GPC5: variants seen among roughly 807,000 people sequenced by gnomAD.
The protein encoded by GPC5 is glypican-5.
Under a neutral mutation model 53.9 loss-of-function variants are expected in GPC5, and 47 were observed. That is an observed-to-expected ratio of 0.87 (90% CI 0.69 to 1.11). The LOEUF is 1.11. Ranked by LOEUF, GPC5 falls within the 50% of genes most tolerant of loss-of-function variation. The pLI, the probability that GPC5 is intolerant of heterozygous loss-of-function variation, is 0.00. For synonymous variants in GPC5, 286 were observed against 263.3 expected, an observed-to-expected ratio of 1.09 and a Z score of -0.84; for missense variants, 748 against 713.1, an observed-to-expected ratio of 1.05 and a Z score of -0.56.
Position 91,641,802 on chromosome 13 carries a change from T to A in GPC5, c.326-51385T>A, listed in dbSNP as rs766469900. Among the ~76,000 whole-genome samples, 3 of 152,174 alleles carry A rather than the reference T, an allele frequency of 2.0e-5. No homozygotes were observed. In the South Asian group the frequency reaches 6.2e-4, roughly 32 times the overall value. ...GAACATTGGATGCTTTTCTAAGGAG[T>A]CATCCTGGAAGCTATAGGGAACACT... is the stretch of plus-strand genomic sequence containing the variant. On this transcript the variant is annotated intron_variant, in intron 2 of 7. Transcript: ENST00000377067.
chr13:92,798,519 T>A (rs959029985), intron 7 of GPC5, among the ~76,000 whole-genome samples: 1 of 151,926 alleles, frequency 6.6e-6, no homozygotes, highest in East Asian at 1.9e-4. Flanking sequence ...TTGCCATGTG[T>A]GATAACCTAC....
rs980506826 is a variant in GPC5 at position 91,511,408 on chromosome 13, C to T, written c.325+62486C>T. ...ATATTTTTGGCTCTCTGGGTTGATA[C>T]ATTTCTTTTGGTTTGGAAAATTCTC... On this transcript the variant is annotated intron_variant, in intron 2 of 7. Coordinates refer to ENST00000377067, the MANE Select transcript of GPC5 (RefSeq NM_004466.6). Among the ~76,000 whole-genome samples the T allele has an allele frequency of 3.9e-5, 6 of 152,110 alleles. No individual in the cohort carries two copies. The South Asian group carries it at 1.2e-3, about 32-fold the overall frequency.
intron 6 of GPC5, among the ~76,000 whole-genome samples, chr13:91,991,121 T>C (rs939462821): frequency 6.6e-6 from 1 of 152,218 alleles, no homozygotes; most frequent in African/African-American, 2.4e-5. Flanking sequence ...CTCAGCCTAA[T>C]GAAGACACAA....
intron 7 of GPC5, among the ~76,000 whole-genome samples, chr13:92,298,510 T>C (rs1211026845): frequency 6.6e-6 from 1 of 152,226 alleles, no homozygotes; most frequent in Non-Finnish European, 1.5e-5. Flanking sequence ...CGCTGCTTCC[T>C]CTACCCCTGT....
In GPC5 at chr13:92,211,761, A is replaced by G. The variant is rs2139075204; in HGVS notation, c.1561+66772A>G. Among the ~76,000 whole-genome samples the G allele has an allele frequency of 2.0e-5, 3 of 149,646 alleles. No individual in the cohort carries two copies. The South Asian group carries it at 6.2e-4, about 31-fold the overall frequency. The stretch of plus-strand genomic sequence containing the variant: ...GATAATAGGAGCTCCTCAATTAGAT[A>G]GGAGCTCCTGAATTAGATAGGCTCA... On this transcript the variant is annotated intron_variant, in intron 7 of 7. Coordinates refer to ENST00000377067, the MANE Select transcript of GPC5 (RefSeq NM_004466.6).
At chr13:92,417,661 C>T (rs76790420) in intron 7 of GPC5, among the ~76,000 whole-genome samples, 3,922 of 152,074 alleles carry the variant, frequency 0.026, 130 homozygotes, top group East Asian at 0.12. Flanking sequence ...TCTCTTGAGC[C>T]GAGGATTTCG....
chr13:91,817,153 C>T (rs1161468643), intron 5 of GPC5, among the ~76,000 whole-genome samples: 1 of 152,122 alleles, frequency 6.6e-6, no homozygotes, highest in African/African-American at 2.4e-5. Flanking sequence ...TTTGTGATTT[C>T]CCCCAAAACA....
chr13:91,685,282 G>C (rs776431577), intron 2 of GPC5, among the ~76,000 whole-genome samples: 25 of 152,164 alleles, frequency 1.6e-4, no homozygotes, highest in Non-Finnish European at 3.4e-4. Context: ...TCTAGTCTGG[G>C]TAACAGAGTG....
chr13:91,765,573 G>A (rs145646761), intron 5 of GPC5, among the ~76,000 whole-genome samples: 27 of 152,290 alleles, frequency 1.8e-4, no homozygotes, highest in African/African-American at 5.8e-4. Context: ...TGAATGGAAC[G>A]CAAAGTTATA....
At chr13:91,510,990 C>CTTG in intron 2 of GPC5, among the ~76,000 whole-genome samples, 1 of 151,854 alleles carries the variant, frequency 6.6e-6, no homozygotes, top group African/African-American at 2.4e-5. Flanking sequence ...ACTGCTTTTA[C>CTTG]ACATGGAAAG....
intron 7 of GPC5, among the ~76,000 whole-genome samples, chr13:92,260,014 C>T (rs967341153): frequency 6.6e-6 from 1 of 152,156 alleles, no homozygotes; most frequent in African/African-American, 2.4e-5. Context: ...TGGCAGCTTC[C>T]CTCTAATCTG....
chr13:92,249,619 G>T (rs2042677617), intron 7 of GPC5, among the ~76,000 whole-genome samples: 1 of 152,020 alleles, frequency 6.6e-6, no homozygotes, highest in Non-Finnish European at 1.5e-5. Context: ...GCACCTGTCT[G>T]AGTCTGACTG....
At chr13:92,055,243 G>T (rs890736811) in intron 6 of GPC5, among the ~76,000 whole-genome samples, 16 of 152,186 alleles carry the variant, frequency 1.1e-4, no homozygotes, top group African/African-American at 3.9e-4. Context: ...CTGTTTGTCA[G>T]ACTCTAGAGA....
intron 7 of GPC5, among the ~76,000 whole-genome samples, chr13:92,154,131 A>C (rs1184613522): frequency 6.6e-6 from 1 of 152,124 alleles, no homozygotes; most frequent in African/African-American, 2.4e-5. Context: ...CCAGTGTATC[A>C]CATGGAGAGA....
intron 7 of GPC5, among the ~76,000 whole-genome samples, chr13:92,386,388 T>C (rs1251905853): frequency 1.3e-5 from 2 of 152,118 alleles, no homozygotes; most frequent in East Asian, 1.9e-4. Flanking sequence ...CTATGACCAA[T>C]GTACTTTGAA....
At chr13:92,747,071 G>A (rs1021471586) in intron 7 of GPC5, among the ~76,000 whole-genome samples, 4 of 152,166 alleles carry the variant, frequency 2.6e-5, no homozygotes, top group African/African-American at 9.6e-5. Flanking sequence ...TAAAGGTACA[G>A]TTATACAATC....
intron 7 of GPC5, among the ~76,000 whole-genome samples, chr13:92,640,711 G>A (rs1326365873): frequency 6.6e-6 from 1 of 152,108 alleles, no homozygotes; most frequent in African/African-American, 2.4e-5. Flanking sequence ...AAACAATGGG[G>A]ACATGCCAAA....
intron 1 of GPC5, among the ~76,000 whole-genome samples, chr13:91,420,820 G>T (rs900713342): frequency 2.0e-5 from 3 of 152,116 alleles, no homozygotes; most frequent in Non-Finnish European, 2.9e-5. Context: ...TGTGTATAAG[G>T]TTCCTGCTTC....
In GPC5 at chr13:91,410,553, A is replaced by G. The variant is rs367667782; in HGVS notation, c.163+11344A>G. ...AGTAGAGACGGGGTTTCACTGTGTT[A>G]GCCAGGATGGTCTCGATCTCCTGAC... is the stretch of plus-strand genomic sequence containing the variant. On this transcript the variant is annotated intron_variant, in intron 1 of 7. Coordinates refer to ENST00000377067, the MANE Select transcript of GPC5 (RefSeq NM_004466.6). Among the ~76,000 whole-genome samples, 354 of 151,454 alleles carry G rather than the reference A, an allele frequency of 2.3e-3. 4 individuals are homozygous for G. The highest frequency in any genetic ancestry group is 7.2e-3 in the African/African-American group (299 of 41,370).
Sources: allele counts gnomAD v4.1 joint callset (sites outside exome capture counted in the v4.1 genomes callset), GRCh38; gene constraint gnomAD v4.1.1; transcripts MANE v1.5; gene names NCBI Gene and HGNC (gene_info 2026-07-23, HGNC 2026-07-21).